Variants in PTPRD observed in about 807,000 individuals in gnomAD.
The protein encoded by PTPRD is receptor-type tyrosine-protein phosphatase delta.
PTPRD carries 34 observed loss-of-function variants against 214.5 expected under a neutral mutation model. The observed-to-expected ratio is 0.16, with a 90% CI of 0.12 to 0.21. The LOEUF (loss-of-function observed/expected upper bound fraction) is 0.21, where lower values mean the gene tolerates loss of function less well. Among genes scored for constraint, PTPRD ranks in the 10% least tolerant of loss-of-function variants. The probability of loss-of-function intolerance (pLI) is 1.00; values close to 1 mark genes in which losing one functional copy is unlikely to be tolerated. For synonymous variants in PTPRD, 1,128 were observed against 845.7 expected (o/e 1.33, Z -5.79); for missense variants, 2,545 against 2,398.7 (o/e 1.06, Z -1.27).
intron 11 of PTPRD, among the ~76,000 whole-genome samples, chr9:8,808,945 A>G (rs1448249595): frequency 6.6e-6 from 1 of 152,114 alleles, no homozygotes; most frequent in African/African-American, 2.4e-5. Flanking sequence ...ATGAAATAAC[A>G]CTGTGAGATG....
At chr9:9,983,403 G>T (rs895076857) in intron 4 of PTPRD, among the ~76,000 whole-genome samples, 7 of 152,162 alleles carry the variant, frequency 4.6e-5, no homozygotes. Flanking sequence ...CATTCCAAAA[G>T]ATGGGAAAAA....
intron 5 of PTPRD, among the ~76,000 whole-genome samples, chr9:9,886,490 T>C (rs1423932181): frequency 1.3e-5 from 2 of 152,070 alleles, no homozygotes; most frequent in African/African-American, 2.4e-5. Flanking sequence ...ATTTTTCCCA[T>C]GGGAGGGATG....
rs946764855 is a variant in PTPRD at position 8,471,205 on chromosome 9, T to C, written c.3414-120A>G. 41 of 751,504 alleles carry C rather than the reference T, an allele frequency of 5.5e-5. No individual in the cohort carries two copies. The Middle Eastern group carries it at 2.6e-3, about 47-fold the overall frequency. 46.6% of individuals were successfully genotyped at this position (751,504 alleles called of 1,614,324 possible). ...CAAATTATGGATATGGGGTGACTTG[T>C]CCATTTCTTACATCAATGACAAATA... On this transcript the variant is annotated intron_variant, in intron 30 of 45. Transcript: ENST00000381196.
intron 11 of PTPRD, among the ~76,000 whole-genome samples, chr9:8,920,958 C>A (rs1475687702): frequency 6.6e-6 from 1 of 152,118 alleles, no homozygotes; most frequent in African/African-American, 2.4e-5. Flanking sequence ...GGATTACAGA[C>A]GCACGCCCCC....
At chr9:8,537,903 T>A (rs747131837) in intron 14 of PTPRD, among the ~76,000 whole-genome samples, 2 of 152,054 alleles carry the variant, frequency 1.3e-5, no homozygotes, top group Admixed American at 6.6e-5. Flanking sequence ...CAAGTTTACA[T>A]TGCATTAAGT....
intron 14 of PTPRD, among the ~76,000 whole-genome samples, chr9:8,616,268 G>C (rs957894260): frequency 5.9e-5 from 9 of 152,052 alleles, no homozygotes; most frequent in African/African-American, 2.2e-4. Context: ...TCCACACTAA[G>C]CTTATGGGAA....
chr9:8,787,910 C>T (rs959779191), intron 11 of PTPRD, among the ~76,000 whole-genome samples: 4 of 152,154 alleles, frequency 2.6e-5, no homozygotes, highest in African/African-American at 9.7e-5. Context: ...TGCACCCTAT[C>T]ACCTTTTTTT....
chr9:10,508,106 G>C (rs1397586360), intron 2 of PTPRD, among the ~76,000 whole-genome samples: 1 of 150,234 alleles, frequency 6.7e-6, no homozygotes, highest in Non-Finnish European at 1.5e-5. Context: ...TTTACGAGAA[G>C]TAAACAACCC....
At chr9:10,019,842 T>C (rs2096809670) in intron 4 of PTPRD, among the ~76,000 whole-genome samples, 1 of 152,176 alleles carries the variant, frequency 6.6e-6, no homozygotes. Flanking sequence ...GACGAGTTAC[T>C]GGGTGCAGCA....
rs567713951 is a variant in PTPRD at position 9,485,841 on chromosome 9, G to A, written c.-236-88359C>T. On this transcript the variant is annotated intron_variant, in intron 8 of 45. Coordinates refer to ENST00000381196, the MANE Select transcript of PTPRD (RefSeq NM_002839.4). Reference sequence around the variant, plus strand: ...CTAGACCCTTCCCATCAGTGTCTATGTCTGCCCAAATCTCTACTGCCTTCC... The same window carrying A: ...CTAGACCCTTCCCATCAGTGTCTATATCTGCCCAAATCTCTACTGCCTTCC... Among the ~76,000 whole-genome samples, 13 of 152,158 alleles carry A rather than the reference G, an allele frequency of 8.5e-5. No homozygotes were observed. In the South Asian group the frequency reaches 1.7e-3, roughly 19 times the overall value.
intron 3 of PTPRD, among the ~76,000 whole-genome samples, chr9:10,203,837 T>TA (rs1564505654): frequency 6.6e-6 from 1 of 152,170 alleles, no homozygotes; most frequent in African/African-American, 2.4e-5. Flanking sequence ...GAGTTCATCT[T>TA]AAGTTATTAG....
At chr9:10,422,490 G>C (rs972466961) in intron 2 of PTPRD, among the ~76,000 whole-genome samples, 2 of 151,906 alleles carry the variant, frequency 1.3e-5, no homozygotes, top group Admixed American at 1.3e-4. Context: ...CTTCTACACA[G>C]CAAAAGAAAC....
chr9:8,454,865 T>C (rs946616320), intron 33 of PTPRD, among the ~76,000 whole-genome samples: 1 of 151,602 alleles, frequency 6.6e-6, no homozygotes, highest in Non-Finnish European at 1.5e-5. Flanking sequence ...ACGTGCACTT[T>C]TATCCATCAC....
At chr9:8,568,539 G>A (rs187531128) in intron 14 of PTPRD, among the ~76,000 whole-genome samples, 32 of 152,150 alleles carry the variant, frequency 2.1e-4, no homozygotes, top group Admixed American at 5.2e-4. Context: ...ATTAACCTTC[G>A]GTAAAACACA....
chr9:9,673,668 T>C (rs1564461869), intron 7 of PTPRD, among the ~76,000 whole-genome samples: 1 of 150,538 alleles, frequency 6.6e-6, no homozygotes, highest in Non-Finnish European at 1.5e-5. Context: ...TCAATGAAAA[T>C]TAAAAATCTA....
chr9:8,408,296 C>T (rs2093207366), intron 35 of PTPRD, among the ~76,000 whole-genome samples: 2 of 152,116 alleles, frequency 1.3e-5, no homozygotes, highest in Non-Finnish European at 2.9e-5. Flanking sequence ...GAAATAAGCA[C>T]CTTTGTTCTT....
chr9:8,969,144 T>G (rs1024112217), intron 11 of PTPRD, among the ~76,000 whole-genome samples: 1 of 152,046 alleles, frequency 6.6e-6, no homozygotes, highest in Admixed American at 6.6e-5. Flanking sequence ...ATGCCCAAAT[T>G]CATATCGTTA....
At chr9:8,767,117 C>CT (rs988462505) in intron 11 of PTPRD, among the ~76,000 whole-genome samples, 1 of 151,866 alleles carries the variant, frequency 6.6e-6, no homozygotes, top group Non-Finnish European at 1.5e-5. Flanking sequence ...TATTTCCCCA[C>CT]TTTTTTTTCT....
At chr9:8,914,173 T>C (rs1397644059) in intron 11 of PTPRD, among the ~76,000 whole-genome samples, 3 of 152,144 alleles carry the variant, frequency 2.0e-5, no homozygotes, top group African/African-American at 7.2e-5. Flanking sequence ...CTCTTCTATA[T>C]GACAAAATTG....
Sources: allele counts gnomAD v4.1 joint callset (sites outside exome capture counted in the v4.1 genomes callset), GRCh38; gene constraint gnomAD v4.1.1; transcripts MANE v1.5; gene names NCBI Gene and HGNC (gene_info 2026-07-23, HGNC 2026-07-21).